Variants in SLC9A7 observed in about 807,000 individuals in gnomAD.
SLC9A7 encodes sodium/hydrogen exchanger 7.
In SLC9A7, 19 loss-of-function variants were observed where a neutral mutation model predicts 52.6. That is an observed-to-expected ratio of 0.36 (90% confidence interval 0.25 to 0.53). The LOEUF is 0.53. Among genes scored for constraint, SLC9A7 ranks in the 20% least tolerant of loss-of-function variants. The pLI, the probability that SLC9A7 is intolerant of heterozygous loss-of-function variation, is 0.91. For synonymous variants in SLC9A7, 226 were observed against 252.1 expected (o/e 0.90, Z 0.98); for missense variants, 455 against 597.9 (o/e 0.76, Z 2.49).
At chrX:46,675,878 C>A (rs1283514304) in intron 3 of SLC9A7, among the ~76,000 whole-genome samples, 2 of 111,548 alleles carry the variant, frequency 1.8e-5, no homozygotes, top group Non-Finnish European at 3.8e-5. Flanking sequence ...ACATGGTTGT[C>A]AATCACGCCT....
intron 1 of SLC9A7, among the ~76,000 whole-genome samples, chrX:46,711,470 C>A (rs1223368780): frequency 1.8e-5 from 2 of 111,565 alleles, no homozygotes; most frequent in Admixed American, 1.9e-4. Flanking sequence ...AGGAAGTAGG[C>A]TGTATTTCCT....
Position 46,644,026 on chromosome X carries a change from C to T in SLC9A7, c.1463-637G>A, listed in dbSNP as rs192490936. 7.1e-3 allele frequency among the ~76,000 whole-genome samples: 801 copies of T among 112,472 alleles called. 5 individuals carry two copies. The highest frequency in any genetic ancestry group is 0.025 in the African/African-American group (773 of 30,972). ...AAATCAATAATAATAATTGAGGCCA[C>T]TTTGTTGTAATACAGGTCTAATAAT... On this transcript the variant is annotated intron_variant, in intron 11 of 16. Coordinates refer to ENST00000616978, the MANE Select transcript of SLC9A7 (RefSeq NM_001257291.2).
chrX:46,753,222 T>C (rs782456290), intron 1 of SLC9A7, among the ~76,000 whole-genome samples: 11 of 111,672 alleles, frequency 9.9e-5, no homozygotes, highest in Non-Finnish European at 1.9e-4. Flanking sequence ...AAGTAATGTG[T>C]CAGTATTAAA....
chrX:46,749,622 T>C (rs1922089089), intron 1 of SLC9A7, among the ~76,000 whole-genome samples: 1 of 112,011 alleles, frequency 8.9e-6, no homozygotes, highest in Admixed American at 9.5e-5. Context: ...GAATAACACC[T>C]GGAGTGTGAC....
intron 14 of SLC9A7, among the ~76,000 whole-genome samples, chrX:46,622,358 C>T (rs758172240): frequency 2.7e-5 from 3 of 111,738 alleles, no homozygotes; most frequent in Non-Finnish European, 3.8e-5. Flanking sequence ...GGGAAGATTC[C>T]AAAATGCCAC....
chrX:46,744,829 T>C (rs1165213669), intron 1 of SLC9A7, among the ~76,000 whole-genome samples: 1 of 111,704 alleles, frequency 9.0e-6, no homozygotes, highest in Non-Finnish European at 1.9e-5. Flanking sequence ...GTCCCATCCC[T>C]CCACAGAAAC....
chrX:46,725,540 A>C, intron 1 of SLC9A7: 3 of 949,945 alleles, frequency 3.2e-6, no homozygotes, highest in Non-Finnish European at 4.6e-6. Context: ...GGATGGTATA[A>C]TTGGCTTGTT....
intron 1 of SLC9A7, among the ~76,000 whole-genome samples, chrX:46,749,475 C>A (rs1374211246): frequency 8.9e-6 from 1 of 111,749 alleles, no homozygotes; most frequent in African/African-American, 3.3e-5. Context: ...CGCCTCCCCA[C>A]CTCTCTGATA....
chrX:46,697,927 C>G (rs1223128580), intron 1 of SLC9A7, among the ~76,000 whole-genome samples: 1 of 111,404 alleles, frequency 9.0e-6, no homozygotes, highest in African/African-American at 3.3e-5. Flanking sequence ...AACTGGCCCC[C>G]CTGGGCATGG....
intron 1 of SLC9A7, among the ~76,000 whole-genome samples, chrX:46,752,158 T>C (rs1319240006): frequency 1.8e-5 from 2 of 112,236 alleles, no homozygotes; most frequent in African/African-American, 3.2e-5. Flanking sequence ...GTGGTATGTA[T>C]ATTTTTTTAC....
At position 46,653,248 on chromosome X, in the gene SLC9A7, G is replaced by C. The variant is rs1231906957; in HGVS notation, c.1147+361C>G. Among the ~76,000 whole-genome samples, 3 of 110,783 alleles carry C rather than the reference G, an allele frequency of 2.7e-5. No homozygotes were observed. The East Asian group carries it at 8.5e-4, about 32-fold the overall frequency. Reference sequence around the variant, plus strand: ...GTCCATCTCTACAAAGAATAAAGAAGTTAGCTGGGTGTGGTACGTGCCTGT... The same window carrying C: ...GTCCATCTCTACAAAGAATAAAGAACTTAGCTGGGTGTGGTACGTGCCTGT... On this transcript the variant is annotated intron_variant, in intron 8 of 16. Transcript: ENST00000616978.
In SLC9A7 at chrX:46,662,025, C is replaced by T. The variant is rs376682289; in HGVS notation, c.1032G>A (p.Val344=). 2 of 1,192,839 alleles carry T rather than the reference C, an allele frequency of 1.7e-6. No homozygotes were observed. The highest frequency in any genetic ancestry group is 2.3e-5 in the Admixed American group (1 of 43,718). ...ACTACAAAAAGGATATTAGAGCAGT[C>T]ACAACACCAGTCACAGCTCCCATGG... ...SFTMGAVTGV[V]TALVTKFTKL... The change falls in exon 7 of 17, where the codon GTG becomes GTA. Residue 344 remains valine, a synonymous_variant. Transcript: ENST00000616978.
At chrX:46,700,911 T>C (rs933799392) in intron 1 of SLC9A7, among the ~76,000 whole-genome samples, 24 of 111,825 alleles carry the variant, frequency 2.1e-4, no homozygotes, top group African/African-American at 7.5e-4. Flanking sequence ...TTTTTAAGTT[T>C]CTTTTTCCCT....
chrX:46,728,939 G>A (rs1441390385), intron 1 of SLC9A7, among the ~76,000 whole-genome samples: 1 of 112,344 alleles, frequency 8.9e-6, no homozygotes, highest in Non-Finnish European at 1.9e-5. Context: ...AAACTATAGA[G>A]ACAGAAAACA....
chrX:46,616,569 T>C (rs779625066), intron 15 of SLC9A7, among the ~76,000 whole-genome samples: 1 of 111,790 alleles, frequency 8.9e-6, no homozygotes, highest in Admixed American at 9.5e-5. Context: ...TTCTGAGTTA[T>C]AACAATCACT....
At chrX:46,717,634 C>T (rs1444753438) in intron 1 of SLC9A7, among the ~76,000 whole-genome samples, 1 of 111,713 alleles carries the variant, frequency 9.0e-6, no homozygotes, top group African/African-American at 3.3e-5. Flanking sequence ...CCCATCTCAG[C>T]CTCCCAAAGT....
chrX:46,724,616 A>G (rs1164710470), intron 1 of SLC9A7, among the ~76,000 whole-genome samples: 1 of 111,929 alleles, frequency 8.9e-6, no homozygotes, highest in Non-Finnish European at 1.9e-5. Flanking sequence ...GAATAAAAAT[A>G]CCCACTCATG....
rs1198169106 is a variant in SLC9A7 at position 46,723,310 on chromosome X, A to AAG, written c.325+35394_325+35395insCT. On this transcript the variant is annotated intron_variant, in intron 1 of 16. Transcript: ENST00000616978. The stretch of plus-strand genomic sequence containing the variant: ...AATAAGATTTCTACAAAAAAAAAAA[A>AAG]AAAAAAAGAAAGAAAGAAAGAAAAA... Among the ~76,000 whole-genome samples, 3 of 108,292 alleles carry AAG rather than the reference A, an allele frequency of 2.8e-5. No individual in the cohort carries two copies. In the East Asian group the frequency reaches 8.6e-4, roughly 31 times the overall value. 94.0% of individuals were successfully genotyped at this position (108,292 alleles called of 115,157 possible). A position where few individuals can be genotyped will look rare whatever the true frequency, so the allele number is the denominator to read the frequency against.
At chrX:46,624,690 G>A (rs1309428007) in intron 14 of SLC9A7, among the ~76,000 whole-genome samples, 1 of 111,985 alleles carries the variant, frequency 8.9e-6, no homozygotes, top group East Asian at 2.8e-4. Context: ...GACTGGATAT[G>A]TAATTTCAAG....
Sources: allele counts gnomAD v4.1 joint callset (sites outside exome capture counted in the v4.1 genomes callset), GRCh38; gene constraint gnomAD v4.1.1; transcripts MANE v1.5; gene names NCBI Gene and HGNC (gene_info 2026-07-23, HGNC 2026-07-21).